WLS: variants seen among roughly 807,000 people sequenced by gnomAD.
WLS encodes the protein Wnt ligand secretion mediator.
WLS carries 23 observed loss-of-function variants against 62.8 expected under a neutral mutation model. The observed-to-expected ratio is 0.37, with a 90% CI of 0.26 to 0.52. The LOEUF (loss-of-function observed/expected upper bound fraction) is 0.52. Among genes scored for constraint, WLS ranks in the 20% least tolerant of loss-of-function variants. The pLI is 0.92. For synonymous variants in WLS, 246 were observed against 244.1 expected (o/e 1.01, Z -0.07); for missense variants, 615 against 697.3 (o/e 0.88, Z 1.33).
chr1:68,128,337 C>T (rs1646466282), intron 11 of WLS, among the ~76,000 whole-genome samples: 1 of 152,222 alleles, frequency 6.6e-6, no homozygotes, highest in Non-Finnish European at 1.5e-5. Context: ...CAGTCAAGCA[C>T]AAGCAGTCTA....
At chr1:68,127,572 CTG>C (rs1036558831) in intron 11 of WLS, among the ~76,000 whole-genome samples, 3 of 80,122 alleles carry the variant, frequency 3.7e-5, no homozygotes, top group African/African-American at 1.4e-4. Flanking sequence ...CTCAGTCTGA[CTG>C]TGTGTGGGGG....
At chr1:68,123,340 GTTCT>G (rs1271655352), downstream of WLS, among the ~76,000 whole-genome samples, 1 of 151,820 alleles carries the variant, frequency 6.6e-6, no homozygotes, top group East Asian at 1.9e-4. Context: ...TATGAATCTG[GTTCT>G]TTCTTTGAAA....
At chr1:68,191,058 C>CA (rs10590224) in intron 2 of WLS, among the ~76,000 whole-genome samples, 28 of 131,274 alleles carry the variant, frequency 2.1e-4, no homozygotes, top group African/African-American at 6.0e-4. Flanking sequence ...AACTCAGACT[C>CA]AAAAAAAAAA....
At chr1:68,109,732 G>A (rs1258620753) in intron 11 of WLS, among the ~76,000 whole-genome samples, 1 of 151,952 alleles carries the variant, frequency 6.6e-6, no homozygotes, top group Non-Finnish European at 1.5e-5. Flanking sequence ...AATCATTATA[G>A]GTTCCAAGTA....
intron 2 of WLS, among the ~76,000 whole-genome samples, chr1:68,189,543 C>G (rs182258421): frequency 3.3e-5 from 5 of 152,230 alleles, no homozygotes; most frequent in Admixed American, 2.0e-4. Flanking sequence ...TGATTTTAGG[C>G]ACTGGGTGGT....
intron 11 of WLS, chr1:68,117,817 C>G (rs983215971): frequency 6.6e-6 from 1 of 152,204 alleles, no homozygotes; most frequent in Non-Finnish European, 1.5e-5. Flanking sequence ...CAAGCCTCAC[C>G]ACTGCTCCGG....
Position 68,125,966 on chromosome 1 carries a change from C to A in WLS, c.*260G>T. On this transcript the variant is annotated 3_prime_UTR_variant, in exon 12 of 12. Transcript: ENST00000262348. ...AGCTGCTACAGATGTTACTATGTCA[C>A]TAATTAACAATGATCACAGAAAATG... The A allele has an allele frequency of 8.1e-7, 1 of 1,237,036 alleles. No individual in the cohort carries two copies. The highest frequency in any genetic ancestry group is 1.0e-6 in the Non-Finnish European group (1 of 984,496). 76.6% of individuals were successfully genotyped at this position (1,237,036 alleles called of 1,614,324 possible). A position where few individuals can be genotyped will look rare whatever the true frequency, so the allele number is the denominator to read the frequency against.
At chr1:68,208,431 G>T (rs1360044288) in intron 1 of WLS, among the ~76,000 whole-genome samples, 1 of 152,184 alleles carries the variant, frequency 6.6e-6, no homozygotes, top group Non-Finnish European at 1.5e-5. Flanking sequence ...ACAGGGGATA[G>T]GTAGAAGATA....
At chr1:68,110,022 A>C (rs1200765960) in intron 11 of WLS, among the ~76,000 whole-genome samples, 4,130 of 59,240 alleles carry the variant, frequency 0.07, 193 homozygotes, top group African/African-American at 0.097. Context: ...AAAAAAAAAA[A>C]AAAAAAAAAA....
intron 1 of WLS, among the ~76,000 whole-genome samples, chr1:68,197,002 A>G (rs1222192610): frequency 6.6e-6 from 1 of 152,174 alleles, no homozygotes; most frequent in East Asian, 1.9e-4. Flanking sequence ...TTCGGCTAAC[A>G]TACTCAAACT....
intron 8 of WLS, among the ~76,000 whole-genome samples, 170 bp from the exon 9 acceptor site, chr1:68,146,182 T>C (rs1365069434): frequency 6.6e-6 from 1 of 152,246 alleles, no homozygotes; most frequent in Non-Finnish European, 1.5e-5. Flanking sequence ...ATGATAGGTT[T>C]CTTGACACAT....
At chr1:68,198,457 G>A (rs1448236853) in intron 1 of WLS, among the ~76,000 whole-genome samples, 1 of 152,166 alleles carries the variant, frequency 6.6e-6, no homozygotes, top group African/African-American at 2.4e-5. Context: ...AACATTTAAT[G>A]TTAAAGTGAT....
intron 2 of WLS, among the ~76,000 whole-genome samples, chr1:68,189,619 A>G (rs527723548): frequency 2.6e-5 from 4 of 152,332 alleles, no homozygotes; most frequent in African/African-American, 9.6e-5. Flanking sequence ...TATAAAGACT[A>G]ATCTCACTAA....
At chr1:68,105,496 G>T (rs183942070) in intron 11 of WLS, among the ~76,000 whole-genome samples, 2 of 152,122 alleles carry the variant, frequency 1.3e-5, no homozygotes, top group Admixed American at 1.3e-4. Flanking sequence ...CAGAAAGAAA[G>T]AAATGGTTTT....
At chr1:68,153,765 C>T (rs756779228) in intron 4 of WLS, 112 bp from the exon 5 acceptor site, 25 of 1,398,576 alleles carry the variant, frequency 1.8e-5, no homozygotes, top group African/African-American at 1.1e-4. Flanking sequence ...CGAATGTTCA[C>T]GATCAAGAGC....
At chr1:68,179,973 T>G (rs1168730631) in intron 2 of WLS, among the ~76,000 whole-genome samples, 2 of 152,158 alleles carry the variant, frequency 1.3e-5, no homozygotes, top group Non-Finnish European at 2.9e-5. Flanking sequence ...GCTTGGGGAC[T>G]GATCATATGG....
intron 2 of WLS, chr1:68,186,795 T>C (rs959148996): frequency 8.5e-6 from 3 of 352,842 alleles, no homozygotes; most frequent in African/African-American, 2.1e-5. Flanking sequence ...GCTGAATATA[T>C]ATAACATAAT....
At chr1:68,108,651 T>C (rs1646179572) in intron 11 of WLS, among the ~76,000 whole-genome samples, 1 of 152,220 alleles carries the variant, frequency 6.6e-6, no homozygotes, top group Non-Finnish European at 1.5e-5. Context: ...AGATTTTTTT[T>C]CACTGATAAT....
intron 10 of WLS, among the ~76,000 whole-genome samples, chr1:68,143,717 TA>T (rs1646716981): frequency 6.6e-6 from 1 of 152,194 alleles, no homozygotes; most frequent in African/African-American, 2.4e-5. Context: ...GATGTTCCCT[TA>T]ATGAGGAACT....
Sources: gnomAD v4.1 joint callset for allele counts (sites outside exome capture counted in the v4.1 genomes callset) on GRCh38, gnomAD v4.1.1 for gene constraint, MANE v1.5 for transcripts, NCBI Gene and HGNC (gene_info 2026-07-23, HGNC 2026-07-21) for gene names.